Variants in AGBL1 observed in about 807,000 individuals in gnomAD.
AGBL1 encodes cytosolic carboxypeptidase 4.
AGBL1 carries 130 observed loss-of-function variants against 118.9 expected under a neutral mutation model. The ratio of observed to expected loss-of-function variants is 1.09; its 90% CI spans 0.95 to 1.26. The LOEUF (loss-of-function observed/expected upper bound fraction) is 1.26, where lower values mean the gene tolerates loss of function less well. AGBL1 is among the 50% of genes most tolerant of loss of function. AGBL1 has a pLI of 0.00. For synonymous variants in AGBL1, 555 were observed against 478.9 expected, an observed-to-expected ratio of 1.16 and a Z score of -2.08; for missense variants, 1,584 against 1,298.1, an observed-to-expected ratio of 1.22 and a Z score of -3.38.
chr15:86,767,422 T>G (rs985644753), intron 22 of AGBL1, among the ~76,000 whole-genome samples: 3 of 151,908 alleles, frequency 2.0e-5, no homozygotes, highest in African/African-American at 7.2e-5. Flanking sequence ...CTCTAAGAAC[T>G]TCAACATTAA....
chr15:86,856,947 A>G (rs962492201), intron 22 of AGBL1, among the ~76,000 whole-genome samples: 1 of 152,130 alleles, frequency 6.6e-6, no homozygotes, highest in Non-Finnish European at 1.5e-5. Flanking sequence ...TTTTGTCCCG[A>G]AGTCCCATGT....
intron 22 of AGBL1, among the ~76,000 whole-genome samples, chr15:86,733,079 AT>A (rs1225690578): frequency 6.7e-6 from 1 of 148,882 alleles, no homozygotes; most frequent in Non-Finnish European, 1.5e-5. Context: ...TTATATATAA[AT>A]ATATATATCT....
chr15:86,795,060 C>T (rs1428673066), intron 22 of AGBL1, among the ~76,000 whole-genome samples: 3 of 152,152 alleles, frequency 2.0e-5, no homozygotes, highest in Non-Finnish European at 4.4e-5. Context: ...AGGCTCAGGG[C>T]CATCTGCTAA....
At chr15:86,453,400 A>G (rs1253973911) in intron 18 of AGBL1, among the ~76,000 whole-genome samples, 1 of 152,216 alleles carries the variant, frequency 6.6e-6, no homozygotes, top group Non-Finnish European at 1.5e-5. Context: ...TGGTATTAAT[A>G]ATACAAAATA....
chr15:86,594,777 C>T (rs2084383699), intron 21 of AGBL1, among the ~76,000 whole-genome samples: 1 of 152,184 alleles, frequency 6.6e-6, no homozygotes, highest in Non-Finnish European at 1.5e-5. Flanking sequence ...CACCTGAATA[C>T]TGCAGAGTAT....
intron 24 of AGBL1, among the ~76,000 whole-genome samples, chr15:87,027,002 A>G (rs2570126): frequency 0.57 from 86,278 of 151,818 alleles, 27,208 homozygotes; most frequent in African/African-American, 0.85. Flanking sequence ...TGGGAAGGGG[A>G]TGAGAGATAA....
chr15:86,144,071 C>T (rs1336084106), intron 3 of AGBL1, among the ~76,000 whole-genome samples: 1 of 152,118 alleles, frequency 6.6e-6, no homozygotes, highest in Non-Finnish European at 1.5e-5. Context: ...CCAGAACAAA[C>T]ATGGGCTACA....
intron 22 of AGBL1, among the ~76,000 whole-genome samples, chr15:86,900,730 C>T (rs2080200261): frequency 6.6e-6 from 1 of 151,142 alleles, no homozygotes; most frequent in African/African-American, 2.4e-5. Flanking sequence ...AAATAAATAT[C>T]TCTGCCCAAC....
chr15:86,088,646 G>T (rs1895826851), intron 1 of AGBL1, among the ~76,000 whole-genome samples: 1 of 152,148 alleles, frequency 6.6e-6, no homozygotes, highest in Admixed American at 6.5e-5. Flanking sequence ...GATGCCAGTG[G>T]GTGTGCCACT....
At chr15:86,766,522 T>C (rs989156573) in intron 22 of AGBL1, among the ~76,000 whole-genome samples, 3 of 151,912 alleles carry the variant, frequency 2.0e-5, no homozygotes, top group Admixed American at 6.6e-5. Context: ...CCTAGGCCCA[T>C]CAATTACAAG....
At chr15:86,147,208 G>C (rs1256602400) in intron 3 of AGBL1, among the ~76,000 whole-genome samples, 1 of 152,158 alleles carries the variant, frequency 6.6e-6, no homozygotes, top group Non-Finnish European at 1.5e-5. Flanking sequence ...CGCAGAAGAT[G>C]GGTGATTACT....
chr15:86,504,054 T>C (rs970413949), intron 18 of AGBL1, among the ~76,000 whole-genome samples: 2 of 151,742 alleles, frequency 1.3e-5, no homozygotes, highest in African/African-American at 2.4e-5. Context: ...GTGAATTGTC[T>C]ATTTACTTCA....
At chr15:86,982,650 C>G (rs946520541) in intron 23 of AGBL1, among the ~76,000 whole-genome samples, 7 of 152,106 alleles carry the variant, frequency 4.6e-5, no homozygotes, top group Non-Finnish European at 7.4e-5. Flanking sequence ...AAAATGAAGA[C>G]CTTTATGATG....
At chr15:86,603,722 A>T (rs2084531813) in intron 21 of AGBL1, among the ~76,000 whole-genome samples, 1 of 152,196 alleles carries the variant, frequency 6.6e-6, no homozygotes, top group Non-Finnish European at 1.5e-5. Context: ...AAAGTTGCCA[A>T]AGTTTAATTA....
At chr15:86,701,782 C>T (rs1318937121) in intron 22 of AGBL1, among the ~76,000 whole-genome samples, 1 of 147,670 alleles carries the variant, frequency 6.8e-6, no homozygotes, top group Non-Finnish European at 1.5e-5. Flanking sequence ...CTCCTCTCCC[C>T]TCCCCACTCC....
intron 1 of AGBL1, among the ~76,000 whole-genome samples, chr15:86,133,481 A>G (rs975416402): frequency 1.3e-4 from 20 of 152,336 alleles, no homozygotes; most frequent in African/African-American, 4.8e-4. Flanking sequence ...TCTGCACAAT[A>G]CATCCCTCCC....
intron 18 of AGBL1, among the ~76,000 whole-genome samples, chr15:86,414,766 G>T (rs780910728): frequency 6.6e-6 from 1 of 152,100 alleles, no homozygotes; most frequent in African/African-American, 2.4e-5. Flanking sequence ...CTCAACTTGG[G>T]CAATGTTTCC....
At position 86,154,527 on chromosome 15, in the gene AGBL1, C is replaced by T; in HGVS notation, c.360C>T (p.His120=). The change falls in exon 4 of 23, where the codon CAC becomes CAT. Residue 120 remains histidine (H), a synonymous_variant. Transcript: ENST00000614907. ...TATCCCATGGCCAGAATCTCCTCCA[C>T]TGTCTCTGGGCTCTGCGTGTGTTTG... is the stretch of plus-strand genomic sequence containing the variant. ...KNLSHGQNLL[H]CLWALRVFAS... The T allele has an allele frequency of 6.2e-7, 1 of 1,613,074 alleles. No homozygotes were observed. Among genetic ancestry groups the T allele is most frequent in the Non-Finnish European group, 8.5e-7 (1 of 1,179,504 alleles).
intron 18 of AGBL1, among the ~76,000 whole-genome samples, chr15:86,430,951 T>C (rs2081928487): frequency 6.6e-6 from 1 of 152,186 alleles, no homozygotes; most frequent in African/African-American, 2.4e-5. Flanking sequence ...GAAGGGGTAA[T>C]ACTAAAATGC....
Sources: gnomAD v4.1 joint callset for allele counts (sites outside exome capture counted in the v4.1 genomes callset) on GRCh38, gnomAD v4.1.1 for gene constraint, MANE v1.5 for transcripts, NCBI Gene and HGNC (gene_info 2026-07-23, HGNC 2026-07-21) for gene names.